Variants in SPATA13 observed in about 807,000 individuals in gnomAD.
SPATA13 encodes the protein spermatogenesis associated 13.
SPATA13 carries 50 observed loss-of-function variants against 104.0 expected under a neutral mutation model. That is an observed-to-expected ratio of 0.48 (90% confidence interval 0.38 to 0.61). SPATA13 has a LOEUF of 0.61. SPATA13 is among the 20% of genes least tolerant of loss of function. The probability of loss-of-function intolerance (pLI) is 0.00; values close to 1 mark genes in which losing one functional copy is unlikely to be tolerated. For missense variants in SPATA13, 1,524 were observed against 1,690.6 expected (o/e 0.90, Z 1.73); for synonymous variants, 606 against 667.5 (o/e 0.91, Z 1.42).
At chr13:24,281,507 G>C (rs1032602741) in intron 4 of SPATA13, among the ~76,000 whole-genome samples, 1 of 152,226 alleles carries the variant, frequency 6.6e-6, no homozygotes, top group Non-Finnish European at 1.5e-5. Flanking sequence ...GTGGTTTCAC[G>C]GCTGGGGCAC....
intron 1 of SPATA13, among the ~76,000 whole-genome samples, chr13:24,174,573 T>C (rs1025793932): frequency 3.1e-4 from 47 of 152,198 alleles, no homozygotes; most frequent in African/African-American, 1.1e-3. Context: ...CCCTTTATTT[T>C]ATTTTTTATT....
chr13:24,066,954 T>C (rs1370399412), intron 3 of SPATA13, among the ~76,000 whole-genome samples: 1 of 152,140 alleles, frequency 6.6e-6, no homozygotes, highest in East Asian at 1.9e-4. Context: ...TGCAAGATAA[T>C]AGCTAAAGCA....
At chr13:24,130,883 G>C (rs1881372571) in intron 3 of SPATA13, among the ~76,000 whole-genome samples, 1 of 152,210 alleles carries the variant, frequency 6.6e-6, no homozygotes, top group African/African-American at 2.4e-5. Flanking sequence ...AAGGAGCCGG[G>C]AATCTCTGCA....
rs1305728212 is a variant in SPATA13, at chr13:24,287,039, C to G, written c.2667+89C>G. The G allele has an allele frequency of 2.6e-6, 3 of 1,144,732 alleles. No individual in the cohort carries two copies. In the Admixed American group the frequency reaches 6.7e-5, roughly 25 times the overall value. 70.9% of individuals were successfully genotyped at this position (1,144,732 alleles called of 1,614,324 possible). On this transcript the variant is annotated intron_variant, in intron 7 of 12. Transcript: ENST00000382108. ...TTTCTCCCCACCTCCACCCCCCGCCCCCCCATCAGGCTCCCACATGTATGC... is the reference window on the plus strand; with the variant it reads ...TTTCTCCCCACCTCCACCCCCCGCCGCCCCATCAGGCTCCCACATGTATGC...
At chr13:24,289,417 G>C (rs1486592625) in intron 8 of SPATA13, among the ~76,000 whole-genome samples, 1 of 152,122 alleles carries the variant, frequency 6.6e-6, no homozygotes. Context: ...CTGGAATTAG[G>C]GGGTTACATT....
intron 3 of SPATA13, among the ~76,000 whole-genome samples, chr13:24,019,242 C>G (rs537219090): frequency 4.6e-5 from 7 of 151,338 alleles, no homozygotes; most frequent in African/African-American, 1.7e-4. Flanking sequence ...GCGCCCGCCA[C>G]TACGCCCAGC....
At chr13:24,117,618 T>C (rs1165013441) in intron 3 of SPATA13, among the ~76,000 whole-genome samples, 1 of 152,234 alleles carries the variant, frequency 6.6e-6, no homozygotes, top group African/African-American at 2.4e-5. Flanking sequence ...TGAGCTTTCT[T>C]GTCCCAAAAG....
chr13:24,104,118 G>A (rs757027157), intron 3 of SPATA13, among the ~76,000 whole-genome samples: 16 of 152,196 alleles, frequency 1.1e-4, no homozygotes, highest in East Asian at 9.7e-4. Context: ...TAGATGACAC[G>A]TTTGAGAATG....
chr13:24,093,232 T>A (rs1276913209), intron 3 of SPATA13, among the ~76,000 whole-genome samples: 3 of 152,194 alleles, frequency 2.0e-5, no homozygotes, highest in Admixed American at 6.5e-5. Context: ...CAAGCACGTT[T>A]TATAAAGGGT....
At chr13:24,001,575 G>A (rs989284913) in intron 2 of SPATA13, among the ~76,000 whole-genome samples, 9 of 152,012 alleles carry the variant, frequency 5.9e-5, no homozygotes, top group Non-Finnish European at 8.8e-5. Flanking sequence ...TCCCATGAAT[G>A]CCCCTGTGTC....
intron 4 of SPATA13, among the ~76,000 whole-genome samples, chr13:24,283,569 G>T (rs1003075416): frequency 1.3e-5 from 2 of 152,206 alleles, no homozygotes; most frequent in Non-Finnish European, 2.9e-5. Context: ...ATCCTTAAAA[G>T]ATCTTTCTCT....
At position 24,294,654 on chromosome 13, in the gene SPATA13, G is replaced by A. The variant is rs565008038; in HGVS notation, c.3081-85G>A. 510 of 1,444,572 alleles carry A rather than the reference G, an allele frequency of 3.5e-4. 7 individuals are homozygous for A. The South Asian group carries it at 6.8e-3, about 19-fold the overall frequency. 89.5% of individuals were successfully genotyped at this position (1,444,572 alleles called of 1,614,324 possible). On this transcript the variant is annotated intron_variant, in intron 9 of 12. Coordinates refer to ENST00000382108, the MANE Select transcript of SPATA13 (RefSeq NM_001166271.3). Reference sequence around the variant, plus strand: ...CACTTTGTCTAGAGCATTCGTATACGAAGAAGCGCCCCAGTGGATTATTTT... The same window carrying A: ...CACTTTGTCTAGAGCATTCGTATACAAAGAAGCGCCCCAGTGGATTATTTT...
chr13:24,120,752 T>A (rs1405990992), intron 3 of SPATA13, among the ~76,000 whole-genome samples: 1 of 152,238 alleles, frequency 6.6e-6, no homozygotes, highest in Non-Finnish European at 1.5e-5. Flanking sequence ...CTTTAAAAAG[T>A]CCTTGCACAT....
At chr13:24,108,079 G>A (rs1479578564) in intron 3 of SPATA13, among the ~76,000 whole-genome samples, 1 of 152,214 alleles carries the variant, frequency 6.6e-6, no homozygotes, top group Non-Finnish European at 1.5e-5. Flanking sequence ...TGGCTTCCAA[G>A]AGGGGCCTTG....
intron 3 of SPATA13, among the ~76,000 whole-genome samples, chr13:24,038,629 G>T (rs1190797570): frequency 2.0e-5 from 3 of 152,166 alleles, no homozygotes; most frequent in Non-Finnish European, 4.4e-5. Flanking sequence ...CTGTGGTGAT[G>T]ACTCAGCTCT....
At chr13:24,163,071 C>G (rs796175850) in intron 1 of SPATA13, among the ~76,000 whole-genome samples, 2 of 152,310 alleles carry the variant, frequency 1.3e-5, no homozygotes, top group African/African-American at 4.8e-5. Context: ...TACTTTCCCT[C>G]TTAGCCACAG....
At chr13:24,132,160 T>C (rs972541743) in intron 3 of SPATA13, among the ~76,000 whole-genome samples, 2 of 152,242 alleles carry the variant, frequency 1.3e-5, no homozygotes, top group Admixed American at 6.5e-5. Flanking sequence ...GTAGGAACCA[T>C]CTTAATGCTA....
intron 3 of SPATA13, among the ~76,000 whole-genome samples, chr13:24,140,485 C>T (rs1881727036): frequency 6.6e-6 from 1 of 152,260 alleles, no homozygotes; most frequent in South Asian, 2.1e-4. Context: ...CTGGGTTAAG[C>T]GATTCTGGAA....
Position 24,047,075 on chromosome 13 carries a change from T to C in SPATA13, c.-112+29374T>C, listed in dbSNP as rs561171727. Among the ~76,000 whole-genome samples, 7 of 152,244 alleles carry C rather than the reference T, an allele frequency of 4.6e-5. No individual in the cohort carries two copies. The East Asian group carries it at 7.7e-4, about 17-fold the overall frequency. ...TGCTGATTGGTTGGGGATGAAATTGTAGGGGTGTGGAAAATGGTCCTGGTG... is the reference window on the plus strand; with the variant it reads ...TGCTGATTGGTTGGGGATGAAATTGCAGGGGTGTGGAAAATGGTCCTGGTG... On this transcript the variant is annotated intron_variant, in intron 3 of 14. Coordinates refer to the SPATA13 transcript ENST00000424834.
Sources: allele counts gnomAD v4.1 joint callset (sites outside exome capture counted in the v4.1 genomes callset), GRCh38; gene constraint gnomAD v4.1.1; transcripts MANE v1.5; gene names NCBI Gene and HGNC (gene_info 2026-07-23, HGNC 2026-07-21).